Variants in PDE1C observed in about 807,000 individuals in gnomAD.
PDE1C encodes dual specificity calcium/calmodulin-dependent 3',5'-cyclic nucleotide phosphodiesterase 1C.
A neutral mutation model predicts 93.1 loss-of-function variants in PDE1C; 62 were observed. The observed-to-expected ratio is 0.67, with a 90% CI of 0.54 to 0.82. The LOEUF (loss-of-function observed/expected upper bound fraction) is 0.82. Ranked by LOEUF, PDE1C falls within the 40% of genes least tolerant of loss-of-function variation. The probability of loss-of-function intolerance (pLI) is 0.00; values close to 1 mark genes in which losing one functional copy is unlikely to be tolerated. For synonymous variants in PDE1C, 325 were observed against 310.1 expected, an observed-to-expected ratio of 1.05 and a Z score of -0.50; for missense variants, 742 against 884.6, an observed-to-expected ratio of 0.84 and a Z score of 2.04.
At chr7:31,965,082 C>T (rs1371989866) in intron 2 of PDE1C, among the ~76,000 whole-genome samples, 1 of 152,204 alleles carries the variant, frequency 6.6e-6, no homozygotes. Context: ...CAGCTCCTCA[C>T]CAGCAACGGA....
At chr7:31,890,090 ATGT>A (rs1230411274) in intron 2 of PDE1C, among the ~76,000 whole-genome samples, 1 of 152,180 alleles carries the variant, frequency 6.6e-6, no homozygotes, top group Non-Finnish European at 1.5e-5. Flanking sequence ...TTGGGAAAGG[ATGT>A]TATTATGAAA....
At chr7:32,249,166 G>A (rs1236763901) in intron 1 of PDE1C, among the ~76,000 whole-genome samples, 1 of 151,884 alleles carries the variant, frequency 6.6e-6, no homozygotes, top group Non-Finnish European at 1.5e-5. Context: ...GGACAAGAAG[G>A]GTGCTATGGA....
At chr7:31,788,950 A>G (rs937558132) in intron 16 of PDE1C, 5 of 152,324 alleles carry the variant, frequency 3.3e-5, no homozygotes, top group South Asian at 2.1e-4. Context: ...TCACCTTAGT[A>G]ATAAAAGGAC....
intron 1 of PDE1C, among the ~76,000 whole-genome samples, chr7:32,340,312 C>T (rs1783723904): frequency 6.6e-6 from 1 of 152,044 alleles, no homozygotes; most frequent in Non-Finnish European, 1.5e-5. Flanking sequence ...TACATAAATG[C>T]TGATGTTGCC....
intron 2 of PDE1C, among the ~76,000 whole-genome samples, chr7:31,949,864 C>G: frequency 6.6e-6 from 1 of 152,076 alleles, no homozygotes. Context: ...AAAAAAGAAG[C>G]CAACTGTTAT....
intron 1 of PDE1C, among the ~76,000 whole-genome samples, chr7:32,374,202 AAGAGAGG>A (rs1562695862): frequency 2.4e-4 from 35 of 145,304 alleles, no homozygotes; most frequent in African/African-American, 9.2e-4. Flanking sequence ...AAGAGAGGGA[AAGAGAGG>A]GAAAGAAAGG....
At chr7:32,051,255 G>C (rs1490450732) in intron 2 of PDE1C, among the ~76,000 whole-genome samples, 1 of 152,010 alleles carries the variant, frequency 6.6e-6, no homozygotes, top group Admixed American at 6.6e-5. Context: ...TTCAGCCCCC[G>C]CCAGCCTAAT....
chr7:31,992,402 A>G (rs1049134075), intron 2 of PDE1C, among the ~76,000 whole-genome samples: 4 of 152,216 alleles, frequency 2.6e-5, no homozygotes, highest in Admixed American at 2.0e-4. Context: ...GGTGGGTTCA[A>G]AGAGGAAAAC....
At chr7:31,618,282 C>T in the PDE1C span, among the ~76,000 whole-genome samples, 2 of 152,184 alleles carry the variant, frequency 1.3e-5, no homozygotes, top group Admixed American at 6.5e-5. Context: ...ACAACCAATA[C>T]CCCATAAAAA....
the PDE1C span, among the ~76,000 whole-genome samples, chr7:31,676,813 G>GA: frequency 2.6e-5 from 4 of 150,974 alleles, no homozygotes; most frequent in South Asian, 2.1e-4. Flanking sequence ...CCTAATGAAA[G>GA]AAAAAAAAAG....
the PDE1C span, among the ~76,000 whole-genome samples, chr7:31,668,758 T>C: frequency 6.6e-6 from 1 of 152,066 alleles, no homozygotes; most frequent in African/African-American, 2.4e-5. Context: ...TAGATTATGG[T>C]GATGGTTGCA....
chr7:32,342,601 A>G (rs1263026043), intron 1 of PDE1C, among the ~76,000 whole-genome samples: 4 of 152,222 alleles, frequency 2.6e-5, no homozygotes, highest in Non-Finnish European at 5.9e-5. Context: ...TAAGCATTAT[A>G]TATCTGGCTA....
At chr7:32,260,971 A>G (rs1015891322) in intron 1 of PDE1C, among the ~76,000 whole-genome samples, 35 of 152,306 alleles carry the variant, frequency 2.3e-4, no homozygotes, top group African/African-American at 6.7e-4. Flanking sequence ...TTAGCTGGGC[A>G]TGATGGCAGG....
rs140539424 is a variant in PDE1C at position 32,123,469 on chromosome 7, AC to A, written c.308+46315del. Among the ~76,000 whole-genome samples the A allele has an allele frequency of 1.5e-3, 235 of 152,276 alleles. 1 individual carries two copies. Among genetic ancestry groups the A allele is most frequent in the African/African-American group, 5.4e-3 (225 of 41,562 alleles). The stretch of plus-strand genomic sequence containing the variant: ...ATCAATGTGAAAACCTCAATAAAAC[AC>A]CGGCAAACCACTGGCACATCAAAAA... On this transcript the variant is annotated intron_variant, in intron 3 of 18. Transcript: ENST00000396193.
chr7:31,812,658 G>A (rs1787701810), intron 15 of PDE1C, among the ~76,000 whole-genome samples: 1 of 152,148 alleles, frequency 6.6e-6, no homozygotes, highest in Admixed American at 6.5e-5. Flanking sequence ...ATCTGTGGCT[G>A]CTTTAAAATG....
the PDE1C span, among the ~76,000 whole-genome samples, chr7:31,699,501 G>T: frequency 6.6e-6 from 1 of 152,188 alleles, no homozygotes; most frequent in African/African-American, 2.4e-5. Flanking sequence ...GTCACAATTT[G>T]TTAAGTTTGA....
intron 1 of PDE1C, among the ~76,000 whole-genome samples, chr7:32,418,181 T>C (rs117853629): frequency 3.3e-5 from 5 of 152,308 alleles, no homozygotes; most frequent in South Asian, 2.1e-4. Flanking sequence ...CTCAGTACTA[T>C]GGTCTTCCCC....
the PDE1C span, among the ~76,000 whole-genome samples, chr7:31,705,334 T>C: frequency 2.6e-5 from 4 of 152,184 alleles, no homozygotes; most frequent in Non-Finnish European, 5.9e-5. Flanking sequence ...TTTGGCTTAA[T>C]GTGAAGAGAT....
chr7:31,625,228 A>G, the PDE1C span, among the ~76,000 whole-genome samples: 3 of 152,070 alleles, frequency 2.0e-5, no homozygotes, highest in East Asian at 5.8e-4. Flanking sequence ...TTCCTCAGGG[A>G]TCTAGAATTA....
Sources: gnomAD v4.1 joint callset for allele counts (sites outside exome capture counted in the v4.1 genomes callset) on GRCh38, gnomAD v4.1.1 for gene constraint, MANE v1.5 for transcripts, NCBI Gene and HGNC (gene_info 2026-07-23, HGNC 2026-07-21) for gene names.